Variants in COL25A1 observed in about 807,000 individuals in gnomAD.
The protein encoded by COL25A1 is collagen type XXV alpha 1 chain.
In COL25A1, 103 loss-of-function variants were observed where a neutral mutation model predicts 128.4. The ratio of observed to expected loss-of-function variants is 0.80; its 90% confidence interval spans 0.68 to 0.94. The LOEUF (loss-of-function observed/expected upper bound fraction) is 0.94, where lower values mean the gene tolerates loss of function less well. COL25A1 is among the 40% of genes least tolerant of loss of function. The pLI is 0.00. For synonymous variants in COL25A1, 279 were observed against 277.2 expected, an observed-to-expected ratio of 1.01 and a Z score of -0.06; for missense variants, 745 against 840.0, an observed-to-expected ratio of 0.89 and a Z score of 1.40.
chr4:109,299,151 T>A (rs929047270), intron 3 of COL25A1, among the ~76,000 whole-genome samples: 4 of 152,150 alleles, frequency 2.6e-5, no homozygotes, highest in African/African-American at 9.7e-5. Flanking sequence ...ACAGAGCTAG[T>A]AAGAATATTG....
At chr4:109,165,211 T>A (rs1235896303) in intron 3 of COL25A1, among the ~76,000 whole-genome samples, 1 of 152,142 alleles carries the variant, frequency 6.6e-6, no homozygotes, top group Non-Finnish European at 1.5e-5. Context: ...AAATTTTTTT[T>A]AAGTTTTATA....
At chr4:108,964,619 AT>A (rs1219808928) in intron 8 of COL25A1, among the ~76,000 whole-genome samples, 1 of 152,118 alleles carries the variant, frequency 6.6e-6, no homozygotes, top group Non-Finnish European at 1.5e-5. Context: ...CTGAGATAAA[AT>A]TTACAACACT....
rs113125104 is a variant in COL25A1, at chr4:108,865,042, CA to C, written c.1084-1656del. Among the ~76,000 whole-genome samples the C allele has an allele frequency of 8.2e-3, 1,244 of 152,220 alleles. 21 individuals carry two copies. The highest frequency in any genetic ancestry group is 0.028 in the African/African-American group (1,169 of 41,526). On this transcript the variant is annotated intron_variant, in intron 20 of 37. Coordinates refer to ENST00000399132, the MANE Select transcript of COL25A1 (RefSeq NM_198721.4). ...ATTCCTAGTTGGAAAATTGCTAGGTCAAAAAAGTATGAATATTTTTAAAAAC... is the reference window on the plus strand; with the variant it reads ...ATTCCTAGTTGGAAAATTGCTAGGTCAAAAAGTATGAATATTTTTAAAAAC...
intron 6 of COL25A1, among the ~76,000 whole-genome samples, chr4:109,005,160 A>G (rs1457665523): frequency 6.6e-6 from 1 of 152,176 alleles, no homozygotes; most frequent in African/African-American, 2.4e-5. Context: ...TTCCTTGCCA[A>G]TCATGGTATA....
chr4:109,268,823 C>T (rs1425761232), intron 3 of COL25A1, among the ~76,000 whole-genome samples: 5 of 152,154 alleles, frequency 3.3e-5, no homozygotes, highest in African/African-American at 9.7e-5. Flanking sequence ...AAGGCTCCCT[C>T]ATTCTAAGGA....
chr4:109,087,525 A>G (rs1462998662), intron 3 of COL25A1, among the ~76,000 whole-genome samples: 1 of 152,146 alleles, frequency 6.6e-6, no homozygotes, highest in Non-Finnish European at 1.5e-5. Context: ...CTAAACTTAC[A>G]TGCACACATC....
intron 3 of COL25A1, among the ~76,000 whole-genome samples, chr4:109,216,309 GGAAA>G (rs1183920836): frequency 1.3e-5 from 2 of 150,742 alleles, no homozygotes; most frequent in African/African-American, 4.9e-5. Flanking sequence ...ACGGAAGGAA[GGAAA>G]GACGGAAGGA....
At chr4:108,827,601 A>G (rs962791548) in intron 32 of COL25A1, among the ~76,000 whole-genome samples, 9 of 152,126 alleles carry the variant, frequency 5.9e-5, no homozygotes, top group African/African-American at 2.2e-4. Context: ...ATCATGGCTC[A>G]CTGAAACCTT....
rs563726494 is a variant in COL25A1, at chr4:108,916,841, T to C, written c.780+1331A>G. On this transcript the variant is annotated intron_variant, in intron 13 of 37. Transcript: ENST00000399132. ...AGCTGCGACATGGGCGGTTAACTGC[T>C]GGCGAGTGTGCGGTGTTTGGTTTAT... Among the ~76,000 whole-genome samples the C allele has an allele frequency of 6.0e-4, 91 of 152,332 alleles. No homozygotes were observed. The Middle Eastern group carries it at 0.017, about 28-fold the overall frequency.
chr4:109,054,409 T>G (rs1288742797), intron 3 of COL25A1, among the ~76,000 whole-genome samples: 2 of 152,226 alleles, frequency 1.3e-5, no homozygotes, highest in Non-Finnish European at 2.9e-5. Context: ...GATGAAACTG[T>G]AAAGTGCTAT....
rs187381277 is a variant in COL25A1, at chr4:109,102,666, A to G, written c.368-52487T>C. On this transcript the variant is annotated intron_variant, in intron 3 of 37. Transcript: ENST00000399132. Reference sequence around the variant, plus strand: ...AGTTCTGTTAATGTTTGCTTCATATACTTACAAGCTCTGTTATTAGTTACA... The same window carrying G: ...AGTTCTGTTAATGTTTGCTTCATATGCTTACAAGCTCTGTTATTAGTTACA... Among the ~76,000 whole-genome samples the G allele has an allele frequency of 3.9e-3, 587 of 152,250 alleles. 2 individuals are homozygous for G. Among genetic ancestry groups the G allele is most frequent in the Non-Finnish European group, 6.3e-3 (426 of 67,990 alleles).
At chr4:109,299,762 T>G (rs1416510131) in intron 3 of COL25A1, among the ~76,000 whole-genome samples, 2 of 152,174 alleles carry the variant, frequency 1.3e-5, no homozygotes, top group African/African-American at 4.8e-5. Flanking sequence ...TTTTCATGAC[T>G]TACATGAGTT....
intron 31 of COL25A1, among the ~76,000 whole-genome samples, chr4:108,838,687 C>T (rs1262504081): frequency 6.6e-6 from 1 of 152,172 alleles, no homozygotes; most frequent in Non-Finnish European, 1.5e-5. Flanking sequence ...AGCAAGTCCT[C>T]ATTCACTGCC....
chr4:109,018,841 GT>G (rs1560548541), intron 5 of COL25A1, among the ~76,000 whole-genome samples: 1 of 152,160 alleles, frequency 6.6e-6, no homozygotes, highest in East Asian at 1.9e-4. Flanking sequence ...CAAAATGTAG[GT>G]TCTCAATCTA....
intron 5 of COL25A1, among the ~76,000 whole-genome samples, chr4:109,028,427 T>A (rs959599377): frequency 6.6e-6 from 1 of 151,768 alleles, no homozygotes; most frequent in African/African-American, 2.4e-5. Context: ...CATGTAGAAA[T>A]CATGAAGAAG....
At chr4:109,206,990 T>G (rs886534784) in intron 3 of COL25A1, among the ~76,000 whole-genome samples, 3 of 152,190 alleles carry the variant, frequency 2.0e-5, no homozygotes, top group African/African-American at 7.2e-5. Flanking sequence ...GGTATATAGC[T>G]TCAGCAGATA....
intron 3 of COL25A1, among the ~76,000 whole-genome samples, chr4:109,254,503 A>ATATATATATATATATG (rs1553968411): frequency 8.8e-6 from 1 of 113,900 alleles, no homozygotes; most frequent in Admixed American, 1.0e-4. Context: ...ATATATATAT[A>ATATATATATATATATG]TATGTATGTG....
At chr4:109,148,766 A>T (rs1284189160) in intron 3 of COL25A1, among the ~76,000 whole-genome samples, 1 of 152,018 alleles carries the variant, frequency 6.6e-6, no homozygotes, top group East Asian at 1.9e-4. Context: ...TCTGGCTTTA[A>T]CCTCCGGCCA....
chr4:109,254,469 T>TTATATATATATATATATATATATATA (rs55997800), intron 3 of COL25A1, among the ~76,000 whole-genome samples: 14 of 59,576 alleles, frequency 2.3e-4, no homozygotes, highest in Admixed American at 6.7e-4. Context: ...AGGCATATGT[T>TTATATATATATATATATATATATATA]TATATATATA....
Sources: allele counts gnomAD v4.1 joint callset (sites outside exome capture counted in the v4.1 genomes callset), GRCh38; gene constraint gnomAD v4.1.1; transcripts MANE v1.5; gene names NCBI Gene and HGNC (gene_info 2026-07-23, HGNC 2026-07-21).